TANC2: variants seen among roughly 807,000 people sequenced by gnomAD.
The protein encoded by TANC2 is protein TANC2.
A neutral mutation model predicts 210.5 loss-of-function variants in TANC2; 26 were observed. That is an observed-to-expected ratio of 0.12 (90% CI 0.09 to 0.17). The LOEUF (loss-of-function observed/expected upper bound fraction) is 0.17. Among genes scored for constraint, TANC2 ranks in the 10% least tolerant of loss-of-function variants. TANC2 has a pLI of 1.00. For synonymous variants in TANC2, 931 were observed against 967.1 expected, an observed-to-expected ratio of 0.96 and a Z score of 0.69; for missense variants, 2,129 against 2,608.9, an observed-to-expected ratio of 0.82 and a Z score of 4.01.
chr17:63,088,572 C>A (rs896297238), intron 3 of TANC2: 1 of 152,200 alleles, frequency 6.6e-6, no homozygotes, highest in African/African-American at 2.4e-5. Context: ...CGAGTTTTCT[C>A]CAACATGGAT....
intron 1 of TANC2, among the ~76,000 whole-genome samples, chr17:62,987,840 G>A (rs1030185111): frequency 1.3e-5 from 2 of 152,164 alleles, no homozygotes; most frequent in Non-Finnish European, 2.9e-5. Context: ...GGGTGCAGGG[G>A]ACGAGCATTA....
At chr17:63,378,676 A>C (rs1271235418) in intron 14 of TANC2, among the ~76,000 whole-genome samples, 1 of 152,232 alleles carries the variant, frequency 6.6e-6, no homozygotes, top group African/African-American at 2.4e-5. Flanking sequence ...TCTGTTAGCA[A>C]GGAGATAATG....
chr17:63,119,051 G>C (rs1350227035), intron 4 of TANC2, among the ~76,000 whole-genome samples: 1 of 151,954 alleles, frequency 6.6e-6, no homozygotes, highest in Admixed American at 6.6e-5. Flanking sequence ...CAAAGTGCTG[G>C]GATTACAGGA....
Position 63,004,955 on chromosome 17 carries a change from G to A in TANC2, c.-23-4582G>A, listed in dbSNP as rs1166112388. ...GTATCTATCCCCTTCAATCCTTCTC[G>A]TGGGCATGGTGGCATCAGTGGTGGG... On this transcript the variant is annotated intron_variant, in intron 1 of 27. Transcript: ENST00000689528. 4 of 196,200 alleles carry A rather than the reference G, an allele frequency of 2.0e-5. No homozygotes were observed. In the South Asian group the frequency reaches 2.7e-4, roughly 13 times the overall value. 12.2% of individuals were successfully genotyped at this position (196,200 alleles called of 1,614,324 possible). A position where few individuals can be genotyped will look rare whatever the true frequency, so the allele number is the denominator to read the frequency against.
In TANC2 at chr17:63,418,416, A is replaced by G. The variant is rs199582435; in HGVS notation, c.4268+9A>G. On this transcript the variant is annotated intron_variant, in intron 27 of 27. Coordinates refer to ENST00000689528, the Ensembl canonical transcript of TANC2. The surrounding 1 kb of genome is among the most constrained non-coding windows in gnomAD (Gnocchi z 4.6). ...GCAAAACGCAGCAGCAGGTGAGGAG[A>G]GAGAGAGAGGGTGAAAGCAAGAGGT... The G allele has an allele frequency of 6.2e-7, 1 of 1,607,358 alleles. No homozygotes were observed. The highest frequency in any genetic ancestry group is 8.5e-7 in the Non-Finnish European group (1 of 1,176,628).
At chr17:63,210,727 C>G (rs2041860461) in intron 7 of TANC2, among the ~76,000 whole-genome samples, 1 of 152,092 alleles carries the variant, frequency 6.6e-6, no homozygotes, top group Non-Finnish European at 1.5e-5. Flanking sequence ...TTATCTGTTT[C>G]TTGAATATTT....
intron 5 of TANC2, among the ~76,000 whole-genome samples, chr17:63,185,860 T>G (rs2040963726): frequency 6.6e-6 from 1 of 152,250 alleles, no homozygotes; most frequent in Admixed American, 6.5e-5. Context: ...CTTGTTGATT[T>G]GTAGTAGTTA....
At chr17:63,018,700 AC>A (rs1440566983) in intron 2 of TANC2, among the ~76,000 whole-genome samples, 1 of 151,840 alleles carries the variant, frequency 6.6e-6, no homozygotes, top group Admixed American at 6.6e-5. Flanking sequence ...TAATAACAGT[AC>A]CCCCTTCCCT....
At chr17:62,970,136 T>G (rs2031610168) in intron 1 of TANC2, among the ~76,000 whole-genome samples, 1 of 152,218 alleles carries the variant, frequency 6.6e-6, no homozygotes, top group Admixed American at 6.5e-5. Flanking sequence ...CTGCCATTCT[T>G]TTTCAACAGA....
At chr17:63,397,284 C>A (rs1162083571) in intron 18 of TANC2, among the ~76,000 whole-genome samples, 2 of 146,020 alleles carry the variant, frequency 1.4e-5, no homozygotes, top group African/African-American at 4.9e-5. Flanking sequence ...CAAAAAAAAA[C>A]AAACAAACAA....
At chr17:63,419,421 C>G (rs749231148) in intron 27 of TANC2, among the ~76,000 whole-genome samples, 4 of 152,164 alleles carry the variant, frequency 2.6e-5, no homozygotes, top group Non-Finnish European at 5.9e-5. Context: ...AGCTCCAGCC[C>G]CGAGTGACCT....
intron 1 of TANC2, among the ~76,000 whole-genome samples, chr17:62,983,327 A>G (rs1269652470): frequency 2.0e-5 from 3 of 151,976 alleles, no homozygotes. Context: ...GATCAATTTT[A>G]TGAGTTTTTG....
Position 63,340,191 on chromosome 17 carries a change from T to C in TANC2, c.1666T>C (p.Ser556Pro), listed in dbSNP as rs1016421071. 2 of 1,613,962 alleles carry C rather than the reference T, an allele frequency of 1.2e-6. No homozygotes were observed. Among genetic ancestry groups the C allele is most frequent in the East Asian group, 2.2e-5 (1 of 44,876 alleles). The change falls in exon 12 of 28, where the codon TCA becomes CCA. Residue 556 changes from serine to proline, a missense_variant. Physicochemically the swap from Ser to Pro is moderately conservative, Grantham distance 74 (BLOSUM62 -1). Around this residue, in one of 5 missense-constraint regions of TANC2, gnomAD observed 739 missense variants for 848.0 expected, o/e 0.87. Coordinates refer to ENST00000689528, the Ensembl canonical transcript of TANC2. ...CAATGTTGCTGCCTTGCTCTGCCGC[T>C]CACCTCAGCTGACAGCCTATCGGGA... is the stretch of plus-strand genomic sequence containing the variant.
chr17:63,193,277 C>G (rs2041243053), intron 5 of TANC2, among the ~76,000 whole-genome samples: 1 of 152,074 alleles, frequency 6.6e-6, no homozygotes, highest in Non-Finnish European at 1.5e-5. Context: ...GTTTTTCTAC[C>G]TTGACATACA....
chr17:63,129,979 G>A (rs1478853819), intron 4 of TANC2, among the ~76,000 whole-genome samples: 1 of 152,098 alleles, frequency 6.6e-6, no homozygotes, highest in East Asian at 1.9e-4. Context: ...ACAACTATGA[G>A]CAAGAAAGTT....
intron 9 of TANC2, among the ~76,000 whole-genome samples, chr17:63,274,960 A>C (rs911816279): frequency 1.3e-5 from 2 of 152,172 alleles, no homozygotes; most frequent in African/African-American, 4.8e-5. Context: ...AAAGATAGAA[A>C]CTAAGTTTGC....
At chr17:63,308,747 T>TA (rs2045012894) in intron 9 of TANC2, among the ~76,000 whole-genome samples, 2 of 152,174 alleles carry the variant, frequency 1.3e-5, no homozygotes, top group Admixed American at 1.3e-4. Context: ...GATTTGGCAG[T>TA]AGTTATATTC....
At position 63,319,107 on chromosome 17, in the gene TANC2, A is replaced by G; in HGVS notation, c.1575+17A>G. 6.2e-7 allele frequency: 1 copy of G among 1,605,784 alleles called. No individual in the cohort carries two copies. The highest frequency in any genetic ancestry group is 8.5e-7 in the Non-Finnish European group (1 of 1,175,820). The stretch of plus-strand genomic sequence containing the variant: ...GCCTCGCAGGTACAATATGATTCCC[A>G]CGTTGGGGATATGGTAGTTCCATTT... On this transcript the variant is annotated intron_variant, in intron 11 of 27. Coordinates refer to ENST00000689528, the Ensembl canonical transcript of TANC2.
chr17:63,353,993 CTT>C (rs1026908657), intron 13 of TANC2, among the ~76,000 whole-genome samples: 1 of 152,046 alleles, frequency 6.6e-6, no homozygotes, highest in Non-Finnish European at 1.5e-5. Context: ...ATACAGAAAA[CTT>C]TTGTGAAAAA....
Sources: allele counts gnomAD v4.1 joint callset (sites outside exome capture counted in the v4.1 genomes callset), GRCh38; gene constraint gnomAD v4.1.1; regional missense constraint gnomAD v4.1.1; non-coding constraint Gnocchi (gnomAD v3.1); transcripts MANE v1.5; gene names NCBI Gene and HGNC (gene_info 2026-07-23, HGNC 2026-07-21).